Variants in TMLHE observed in about 807,000 individuals in gnomAD.
TMLHE encodes the protein trimethyllysine dioxygenase, mitochondrial.
Under a neutral mutation model 25.7 loss-of-function variants are expected in TMLHE, and 18 were observed. The observed-to-expected ratio is 0.70, with a 90% CI of 0.48 to 1.04. The LOEUF (loss-of-function observed/expected upper bound fraction) is 1.04. Ranked by LOEUF, TMLHE falls within the 50% of genes least tolerant of loss-of-function variation. TMLHE has a pLI of 0.00. For synonymous variants in TMLHE, 105 were observed against 97.0 expected (o/e 1.08, Z -0.49); for missense variants, 236 against 259.0 (o/e 0.91, Z 0.61).
chrX:155,579,769 G>A (rs1245970775), intron 1 of TMLHE, among the ~76,000 whole-genome samples: 1 of 110,489 alleles, frequency 9.1e-6, no homozygotes, highest in Non-Finnish European at 1.9e-5. Flanking sequence ...AAATTGGATT[G>A]CCACATGCAG....
intron 6 of TMLHE, among the ~76,000 whole-genome samples, chrX:155,504,970 C>G (rs1163518757): frequency 9.0e-6 from 1 of 111,166 alleles, no homozygotes; most frequent in Non-Finnish European, 1.9e-5. Flanking sequence ...ATGCATTGGT[C>G]AAAACTCAGT....
At chrX:155,547,913 A>C (rs1465114186) in intron 1 of TMLHE, among the ~76,000 whole-genome samples, 2 of 111,207 alleles carry the variant, frequency 1.8e-5, no homozygotes, top group South Asian at 3.8e-4. Flanking sequence ...CACATACAGA[A>C]ATACATATGT....
chrX:155,560,454 C>G (rs1408255247), intron 1 of TMLHE, among the ~76,000 whole-genome samples: 1 of 107,843 alleles, frequency 9.3e-6, no homozygotes, highest in Non-Finnish European at 1.9e-5. Flanking sequence ...TAAGTATAAA[C>G]ATAATAAGTT....
chrX:155,545,218 C>T lies in TMLHE; in HGVS notation c.59G>A (p.Gly20Glu). The T allele has an allele frequency of 8.3e-7, 1 of 1,209,299 alleles. No individual in the cohort carries two copies. The highest frequency in any genetic ancestry group is 1.1e-6 in the Non-Finnish European group (1 of 894,353). The change falls in exon 2 of 8, where the codon GGA becomes GAA. Residue 20 changes from glycine to glutamate, a missense_variant. By Grantham distance (98) the Gly-to-Glu change is moderately conservative. Coordinates refer to ENST00000334398, the MANE Select transcript of TMLHE (RefSeq NM_018196.4). ...HSRLQDLLKG[G>E]VIYPALPQPN... ...CTGTGGAAGGGCCGGATATATGACT[C>T]CTCCCTTCAGCAAGTCCTGAAGCCT...
chrX:155,591,304 T>TC (rs2067692587), intron 1 of TMLHE, among the ~76,000 whole-genome samples: 1 of 111,530 alleles, frequency 9.0e-6, no homozygotes, highest in Non-Finnish European at 1.9e-5. Flanking sequence ...AGTGAAGAAA[T>TC]AAAAGACTTA....
intron 1 of TMLHE, among the ~76,000 whole-genome samples, chrX:155,569,959 T>C (rs2067537773): frequency 1.8e-5 from 1 of 56,089 alleles, no homozygotes; most frequent in African/African-American, 4.3e-5. Flanking sequence ...AACATCATAA[T>C]GACAGGATCA....
At chrX:155,566,498 G>A (rs142893951) in intron 1 of TMLHE, among the ~76,000 whole-genome samples, 858 of 61,616 alleles carry the variant, frequency 0.014, 98 homozygotes, top group African/African-American at 0.029. Flanking sequence ...TGTAGTCAGG[G>A]GGACAGAAGG....
At chrX:155,570,953 G>C (rs1358669115) in intron 1 of TMLHE, among the ~76,000 whole-genome samples, 1 of 56,625 alleles carries the variant, frequency 1.8e-5, no homozygotes, top group Non-Finnish European at 4.6e-5. Flanking sequence ...ACATTCAAAA[G>C]CTAGCAGAAG....
chrX:155,578,421 C>T (rs1168382574), intron 1 of TMLHE, among the ~76,000 whole-genome samples: 1 of 111,791 alleles, frequency 8.9e-6, no homozygotes, highest in Admixed American at 9.5e-5. Context: ...CCAGTCCATA[C>T]CAGTGGAACC....
At chrX:155,534,546 C>G (rs145649067) in intron 2 of TMLHE, among the ~76,000 whole-genome samples, 1 of 111,476 alleles carries the variant, frequency 9.0e-6, no homozygotes, top group East Asian at 2.8e-4. Flanking sequence ...TTATTTCTCT[C>G]TTTTTGGAAT....
At chrX:155,540,901 T>C (rs1648037157) in intron 2 of TMLHE, among the ~76,000 whole-genome samples, 1 of 111,019 alleles carries the variant, frequency 9.0e-6, no homozygotes, top group Non-Finnish European at 1.9e-5. Flanking sequence ...AAATATTCCA[T>C]ATGCAATAAA....
At chrX:155,559,437 T>C (rs2124443562) in intron 1 of TMLHE, among the ~76,000 whole-genome samples, 1 of 111,539 alleles carries the variant, frequency 9.0e-6, no homozygotes, top group Non-Finnish European at 1.9e-5. Flanking sequence ...GTTTTCCTCT[T>C]TTCTCCTTTA....
chrX:155,567,603 G>A (rs868958128), intron 1 of TMLHE, among the ~76,000 whole-genome samples: 1 of 61,928 alleles, frequency 1.6e-5, no homozygotes, highest in Admixed American at 1.9e-4. Flanking sequence ...TCATGACTCT[G>A]GAAACCGACA....
At chrX:155,506,853 CT>C (rs1557332725) in intron 6 of TMLHE, 44 bp downstream of exon 6, 1 of 1,110,406 alleles carries the variant, frequency 9.0e-7, no homozygotes, top group East Asian at 3.0e-5. Context: ...GAAGGCTAAT[CT>C]TTGGCAAATA....
intron 1 of TMLHE, among the ~76,000 whole-genome samples, chrX:155,579,070 G>A (rs2067608693): frequency 9.5e-6 from 1 of 104,734 alleles, no homozygotes; most frequent in South Asian, 4.5e-4. Context: ...TCTCTACAAG[G>A]AAAACTACAA....
chrX:155,516,839 T>A (rs1410738824), intron 3 of TMLHE, among the ~76,000 whole-genome samples: 5 of 64,476 alleles, frequency 7.8e-5, no homozygotes, highest in African/African-American at 2.6e-4. Flanking sequence ...TCTGTTCATG[T>A]CCTTTGCCCA....
At chrX:155,547,277 T>G (rs782326022) in intron 1 of TMLHE, among the ~76,000 whole-genome samples, 1 of 89,408 alleles carries the variant, frequency 1.1e-5, no homozygotes, top group Non-Finnish European at 2.3e-5. Flanking sequence ...CCCGAGTAGC[T>G]GGGACTACAG....
chrX:155,510,968 T>G (rs2067108129), intron 5 of TMLHE, among the ~76,000 whole-genome samples: 1 of 110,480 alleles, frequency 9.1e-6, no homozygotes, highest in Non-Finnish European at 1.9e-5. Flanking sequence ...GGTATCTCAT[T>G]GTGGTTTTGA....
intron 1 of TMLHE, among the ~76,000 whole-genome samples, chrX:155,552,461 AG>A (rs1340325704): frequency 9.1e-6 from 1 of 109,684 alleles, no homozygotes; most frequent in Non-Finnish European, 1.9e-5. Context: ...TATGTTTCCT[AG>A]GAATCTATGT....
Sources: allele counts gnomAD v4.1 joint callset (sites outside exome capture counted in the v4.1 genomes callset), GRCh38; gene constraint gnomAD v4.1.1; transcripts MANE v1.5; gene names NCBI Gene and HGNC (gene_info 2026-07-23, HGNC 2026-07-21).